IRAK1BP1: variants seen among roughly 807,000 people sequenced by gnomAD.
IRAK1BP1 encodes the protein interleukin-1 receptor-associated kinase 1-binding protein 1.
In IRAK1BP1, 24 loss-of-function variants were observed where a neutral mutation model predicts 28.0. The ratio of observed to expected loss-of-function variants is 0.86; its 90% CI spans 0.62 to 1.20. IRAK1BP1 has a LOEUF of 1.20. Among genes scored for constraint, IRAK1BP1 ranks in the 50% most tolerant of loss-of-function variants. The probability of loss-of-function intolerance (pLI) is 0.00; values close to 1 mark genes in which losing one functional copy is unlikely to be tolerated. For missense variants in IRAK1BP1, 336 were observed against 316.7 expected, an observed-to-expected ratio of 1.06 and a Z score of -0.46; for synonymous variants, 131 against 116.3, an observed-to-expected ratio of 1.13 and a Z score of -0.81.
At chr6:78,974,707 C>G in the IRAK1BP1 span, among the ~76,000 whole-genome samples, 1 of 152,256 alleles carries the variant, frequency 6.6e-6, no homozygotes, top group East Asian at 1.9e-4. Flanking sequence ...ACCGATCCCA[C>G]AGAAATACAA....
Position 78,898,503 on chromosome 6 carries a change from C to T in IRAK1BP1, c.*169C>T, listed in dbSNP as rs564974003. 6.1e-4 allele frequency: 90 copies of T among 146,828 alleles called. 1 individual carries two copies. The highest frequency in any genetic ancestry group is 1.0e-3 in the Non-Finnish European group (74 of 71,952). The allele number at this position is 146,828 out of a possible 1,614,324, so 9.1% of individuals were successfully genotyped here. ...CTATAAATCTTTGAATATAGTCCCA[C>T]AGAATACTTATGTTCACTTTCTATT... On this transcript the variant is annotated 3_prime_UTR_variant, in exon 4 of 4. Transcript: ENST00000369940.
chr6:78,895,506 G>GAC lies in IRAK1BP1; in HGVS notation c.382-2314_382-2313dup, dbSNP rs546710478. On this transcript the variant is annotated intron_variant, in intron 2 of 3. Transcript: ENST00000369940. ...ATACACATACATGCTTACACACATG[G>GAC]ACACACACACGTATCCTTTACATGC... Among the ~76,000 whole-genome samples the GAC allele has an allele frequency of 2.7e-3, 417 of 152,034 alleles. 1 individual carries two copies. The highest frequency in any genetic ancestry group is 3.1e-3 in the Non-Finnish European group (208 of 67,972).
At chr6:78,937,918 C>T (rs2127674812) in intron 4 of IRAK1BP1, 1 of 151,690 alleles carries the variant, frequency 6.6e-6, no homozygotes, top group East Asian at 1.9e-4. Flanking sequence ...TTACACTTTC[C>T]ATGCATGTAA....
intron 4 of IRAK1BP1, among the ~76,000 whole-genome samples, chr6:78,918,880 G>A (rs1019297141): frequency 2.7e-4 from 41 of 152,160 alleles, no homozygotes; most frequent in African/African-American, 9.2e-4. Context: ...GAATACTCCA[G>A]TCATCAACCA....
At chr6:78,911,627 A>G (rs1772423440) in intron 4 of IRAK1BP1, among the ~76,000 whole-genome samples, 1 of 152,202 alleles carries the variant, frequency 6.6e-6, no homozygotes, top group Non-Finnish European at 1.5e-5. Context: ...TGTATCTTAC[A>G]GCAGCTGCAT....
intron 4 of IRAK1BP1, chr6:78,935,496 T>C (rs1773243500): frequency 1.0e-6 from 1 of 978,736 alleles, no homozygotes; most frequent in African/African-American, 1.8e-5. Flanking sequence ...TTATGCAAAG[T>C]GTTCCACTGA....
At chr6:78,960,180 A>AC in the IRAK1BP1 span, among the ~76,000 whole-genome samples, 1 of 152,310 alleles carries the variant, frequency 6.6e-6, no homozygotes, top group Non-Finnish European at 1.5e-5. Context: ...AAGCTGAAAA[A>AC]TCTAAGTCAA....
the IRAK1BP1 span, chr6:78,961,588 A>C: frequency 9.1e-7 from 1 of 1,095,774 alleles, no homozygotes; most frequent in Non-Finnish European, 1.4e-6. Context: ...TCTTATGTGC[A>C]TTCCTATATA....
At chr6:78,977,465 T>C in the IRAK1BP1 span, among the ~76,000 whole-genome samples, 49 of 152,270 alleles carry the variant, frequency 3.2e-4, no homozygotes, top group Admixed American at 7.2e-4. Context: ...GCATGGCACA[T>C]GTATACGTAT....
the IRAK1BP1 span, among the ~76,000 whole-genome samples, chr6:78,967,998 C>T: frequency 9.2e-5 from 14 of 151,834 alleles, no homozygotes; most frequent in African/African-American, 2.2e-4. Flanking sequence ...ATTAGCCAGG[C>T]GTGGTGGCAG....
chr6:78,928,921 G>A (rs570140201), intron 4 of IRAK1BP1, among the ~76,000 whole-genome samples: 14 of 152,162 alleles, frequency 9.2e-5, no homozygotes, highest in East Asian at 3.9e-4. Context: ...GCAAGTATTC[G>A]TTGAGGATTT....
the IRAK1BP1 span, chr6:78,965,615 G>GT: frequency 4.0e-6 from 3 of 749,102 alleles, no homozygotes; most frequent in Non-Finnish European, 2.3e-6. Flanking sequence ...ACTCACAACT[G>GT]TAAGTGGTAG....
chr6:78,954,897 G>C, the IRAK1BP1 span: 1 of 1,585,174 alleles, frequency 6.3e-7, no homozygotes, highest in South Asian at 1.1e-5. Context: ...TCTTCACACT[G>C]TTTCTTCCAT....
intron 1 of IRAK1BP1, among the ~76,000 whole-genome samples, chr6:78,872,377 C>A (rs1770823888): frequency 6.6e-6 from 1 of 152,160 alleles, no homozygotes; most frequent in Non-Finnish European, 1.5e-5. Context: ...ACAAATTGAA[C>A]ATAGGCATTG....
At position 78,901,273 on chromosome 6, in the gene IRAK1BP1, A is replaced by T. The variant is rs1207818355; in HGVS notation, c.*2939A>T. On this transcript the variant is annotated 3_prime_UTR_variant, in exon 4 of 4. Coordinates refer to ENST00000369940, the MANE Select transcript of IRAK1BP1 (RefSeq NM_001010844.4). Reference sequence around the variant, plus strand: ...CAAAAAAAACAAAAAAATCCTGTAAAGTATACAATCCTACATTTTTCTATA... The same window carrying T: ...CAAAAAAAACAAAAAAATCCTGTAATGTATACAATCCTACATTTTTCTATA... The T allele has an allele frequency of 6.6e-6, 1 of 152,098 alleles. No individual in the cohort carries two copies. Among genetic ancestry groups the T allele is most frequent in the Non-Finnish European group, 1.5e-5 (1 of 67,994 alleles). 9.4% of individuals were successfully genotyped at this position (152,098 alleles called of 1,614,324 possible). A position where few individuals can be genotyped will look rare whatever the true frequency, so the allele number is the denominator to read the frequency against.
chr6:78,954,708 T>A, the IRAK1BP1 span: 1 of 710,802 alleles, frequency 1.4e-6, no homozygotes, highest in Non-Finnish European at 2.2e-6. Context: ...TATAAAATAA[T>A]AAAGAAATAA....
chr6:78,938,316 A>G (rs1773347795), intron 4 of IRAK1BP1: 1 of 151,648 alleles, frequency 6.6e-6, no homozygotes, highest in African/African-American at 2.4e-5. Context: ...ATGTTATAGG[A>G]AAGATGGTAA....
intron 1 of IRAK1BP1, among the ~76,000 whole-genome samples, chr6:78,868,888 T>G (rs962546638): frequency 1.3e-5 from 2 of 152,178 alleles, no homozygotes; most frequent in African/African-American, 4.8e-5. Flanking sequence ...AGGATGACAT[T>G]GAGTTGGTAA....
chr6:78,926,147 C>G (rs1407264804), intron 4 of IRAK1BP1, among the ~76,000 whole-genome samples: 1 of 151,992 alleles, frequency 6.6e-6, no homozygotes, highest in African/African-American at 2.4e-5. Flanking sequence ...GTCAGAATGG[C>G]TATTACTAAA....
Sources: gnomAD v4.1 joint callset for allele counts (sites outside exome capture counted in the v4.1 genomes callset) on GRCh38, gnomAD v4.1.1 for gene constraint, MANE v1.5 for transcripts, NCBI Gene and HGNC (gene_info 2026-07-23, HGNC 2026-07-21) for gene names.